LONRF1: variants seen among roughly 807,000 people sequenced by gnomAD.
LONRF1 encodes LON peptidase N-terminal domain and ring finger 1, also known as LON peptidase N-terminal domain and RING finger protein 1.
LONRF1 carries 37 observed loss-of-function variants against 85.8 expected under a neutral mutation model. The observed-to-expected ratio is 0.43, with a 90% CI of 0.33 to 0.57. LONRF1 has a LOEUF of 0.57. Among genes scored for constraint, LONRF1 ranks in the 20% least tolerant of loss-of-function variants. The pLI is 0.04. For synonymous variants in LONRF1, 517 were observed against 390.1 expected (o/e 1.33, Z -3.83); for missense variants, 1,036 against 978.0 (o/e 1.06, Z -0.79).
chr8:12,736,779 C>T lies in LONRF1; in HGVS notation c.1373G>A (p.Cys458Tyr), dbSNP rs758543808. Residue 458 changes from cysteine to tyrosine, a missense_variant, in exon 6 of 12, where the codon TGT becomes TAT. Around this residue, in one of 3 missense-constraint regions of LONRF1, gnomAD observed 742 missense variants for 614.4 expected, o/e 1.21. Coordinates refer to ENST00000398246, the MANE Select transcript of LONRF1 (RefSeq NM_152271.5). The part of the protein sequence containing the change: ...KKQGETPNEV[C>Y]MFSLAYGDIP... ...ATCACCATAAGCTAAGGAAAACATA[C>T]AGACTTCATTGGGAGTTTCTATTAA... The T allele has an allele frequency of 1.8e-5, 29 of 1,608,982 alleles. No individual in the cohort carries two copies. The Admixed American group carries it at 3.9e-4, about 22-fold the overall frequency.
intron 4 of LONRF1, 101 bp from the exon 5 acceptor site, chr8:12,737,241 C>A (rs750693504): frequency 1.5e-6 from 2 of 1,328,684 alleles, no homozygotes; most frequent in African/African-American, 1.4e-5. Flanking sequence ...CCTTATAATG[C>A]TCATTTTAAT....
rs1157577556 is a variant in LONRF1, at chr8:12,754,827, G to C, written c.594C>G (p.Asn198Lys). The stretch of plus-strand genomic sequence containing the variant: ...CCGGAAACCACTTCTCGGCCAGGTG[G>C]TTGAGGACGACGCTGGTTCTGAAGT... ...ASDFRTSVVL[N>K]HLAEKWFPGQ... Residue 198 changes from asparagine (N) to lysine (K), a missense_variant, in exon 1 of 12, where the codon AAC becomes AAG. Asn to Lys is a moderately conservative substitution (Grantham distance 94). Transcript: ENST00000398246. The C allele has an allele frequency of 1.3e-6, 2 of 1,494,558 alleles. No individual in the cohort carries two copies. Among genetic ancestry groups the C allele is most frequent in the Non-Finnish European group, 1.8e-6 (2 of 1,127,936 alleles). 92.6% of individuals were successfully genotyped at this position (1,494,558 alleles called of 1,614,324 possible).
chr8:12,728,222 C>G (rs1298939718), intron 10 of LONRF1, among the ~76,000 whole-genome samples: 2 of 152,156 alleles, frequency 1.3e-5, no homozygotes, highest in Non-Finnish European at 2.9e-5. Context: ...GGTTCCTAAA[C>G]TAACTGCAGT....
chr8:12,734,172 G>C (rs969943641), intron 7 of LONRF1, among the ~76,000 whole-genome samples: 1 of 152,262 alleles, frequency 6.6e-6, no homozygotes, highest in African/African-American at 2.4e-5. Context: ...GAGCATATTA[G>C]CTAAAAATGT....
At chr8:12,735,709 T>C (rs1798692255) in intron 6 of LONRF1, 1 of 220,244 alleles carries the variant, frequency 4.5e-6, no homozygotes, top group Non-Finnish European at 8.9e-6. Context: ...AGCTGATATG[T>C]GCACTGAATG....
rs1227364515 is a variant in LONRF1, at chr8:12,725,766, C to T, written c.2124G>A (p.Gln708=). ...CCCTCTCGGGCATTGATCCGAAATG[C>T]TGAAGAATTTGGCTTCGAAATCTGT... ...LRDRFRSQIL[Q]HFGSMPEREE... The change falls in exon 11 of 12, where the codon CAG becomes CAA. Residue 708 remains glutamine (Q), a synonymous_variant. Transcript: ENST00000398246. 1 of 1,613,608 alleles carries T rather than the reference C, an allele frequency of 6.2e-7. No individual in the cohort carries two copies. Among genetic ancestry groups the T allele is most frequent in the Non-Finnish European group, 8.5e-7 (1 of 1,179,586 alleles).
intron 8 of LONRF1, 78 bp from the exon 9 acceptor site, chr8:12,729,410 T>G: frequency 2.1e-6 from 3 of 1,413,720 alleles, no homozygotes; most frequent in Non-Finnish European, 2.9e-6. Flanking sequence ...TGAGTGAGGT[T>G]TATAACAGTA....
intron 3 of LONRF1, among the ~76,000 whole-genome samples, chr8:12,740,496 A>G (rs912237574): frequency 1.3e-5 from 2 of 152,198 alleles, no homozygotes; most frequent in Admixed American, 6.5e-5. Flanking sequence ...ACTGAGCAAT[A>G]CTATTGGCAA....
chr8:12,744,445 A>C (rs527337179), intron 1 of LONRF1, among the ~76,000 whole-genome samples: 24 of 152,324 alleles, frequency 1.6e-4, no homozygotes, highest in African/African-American at 5.5e-4. Flanking sequence ...TGCTTCTTAA[A>C]GCAATGAAAA....
Position 12,724,958 on chromosome 8 carries a change from C to A in LONRF1, c.2163+769G>T, listed in dbSNP as rs185633056. Among the ~76,000 whole-genome samples, 24 of 152,344 alleles carry A rather than the reference C, an allele frequency of 1.6e-4. No homozygotes were observed. In the East Asian group the frequency reaches 4.1e-3, roughly 26 times the overall value. On this transcript the variant is annotated intron_variant, in intron 11 of 11. Transcript: ENST00000398246. ...TGCATTACAATGAGATCTATTATCT[C>A]TCCATCTTCACATATTTACTGACAG...
At chr8:12,747,525 C>T (rs898903549) in intron 1 of LONRF1, among the ~76,000 whole-genome samples, 3 of 152,100 alleles carry the variant, frequency 2.0e-5, no homozygotes, top group Admixed American at 6.6e-5. Flanking sequence ...ATTTAAGGTT[C>T]GAATTGACTT....
chr8:12,741,842 G>A (rs1798944994), intron 2 of LONRF1, among the ~76,000 whole-genome samples: 1 of 152,074 alleles, frequency 6.6e-6, no homozygotes, highest in Admixed American at 6.5e-5. Flanking sequence ...CCTTCATAAT[G>A]TGAGTTCAGC....
At chr8:12,725,457 A>C (rs1053657864) in intron 11 of LONRF1, among the ~76,000 whole-genome samples, 3 of 152,112 alleles carry the variant, frequency 2.0e-5, no homozygotes, top group Non-Finnish European at 2.9e-5. Context: ...CCACTCCTAA[A>C]AATCCTCTTA....
intron 3 of LONRF1, among the ~76,000 whole-genome samples, chr8:12,739,496 A>C (rs1235185336): frequency 2.0e-5 from 3 of 152,166 alleles, no homozygotes; most frequent in Non-Finnish European, 2.9e-5. Context: ...TTTACTGGAA[A>C]GGAGATGAAG....
rs1488979111 is a variant in LONRF1 at position 12,746,328 on chromosome 8, CCACT to C, written c.722-3050_722-3047del. On this transcript the variant is annotated intron_variant, in intron 1 of 11. Coordinates refer to ENST00000398246, the MANE Select transcript of LONRF1 (RefSeq NM_152271.5). ...GCCTTAATTATCATTATGAACCTTC[CCACT>C]CACTCAAAGTCCCAACCATACCTAA... Among the ~76,000 whole-genome samples the C allele has an allele frequency of 3.7e-4, 56 of 152,276 alleles. 1 individual carries two copies. The highest frequency in any genetic ancestry group is 6.8e-3 in the Middle Eastern group (2 of 292).
chr8:12,746,757 C>T (rs1450660068), intron 1 of LONRF1, among the ~76,000 whole-genome samples: 7 of 152,106 alleles, frequency 4.6e-5, no homozygotes, highest in Non-Finnish European at 7.4e-5. Flanking sequence ...ATGCAGCTTG[C>T]CCATGATCAT....
In LONRF1 at chr8:12,729,039, T is replaced by C; in HGVS notation, c.1872A>G (p.Leu624=). 1 of 1,614,018 alleles carries C rather than the reference T, an allele frequency of 6.2e-7. No individual in the cohort carries two copies. The highest frequency in any genetic ancestry group is 1.7e-4 in the Middle Eastern group (1 of 6,060). The change falls in exon 10 of 12, where the codon TTA becomes TTG. Residue 624 remains leucine (L), a synonymous_variant. Coordinates refer to ENST00000398246, the MANE Select transcript of LONRF1 (RefSeq NM_152271.5). ...GTAAGAAATGCACGTTTCTAATTTG[T>C]AACATACAACCATAATCTGCAAAAC... ...QNSFADYGCM[L]QIRNVHFLPD...
At chr8:12,750,360 G>A (rs1166936984) in intron 1 of LONRF1, among the ~76,000 whole-genome samples, 1 of 152,146 alleles carries the variant, frequency 6.6e-6, no homozygotes, top group African/African-American at 2.4e-5. Context: ...AGACTCCCAC[G>A]GATGCCTGCA....
chr8:12,729,129 G>C (rs769182679), intron 9 of LONRF1, 45 bp downstream of exon 9: 9 of 1,612,006 alleles, frequency 5.6e-6, no homozygotes, highest in Admixed American at 3.3e-5. Context: ...TCCATATTGA[G>C]AGGTCTAACA....
Sources: allele counts gnomAD v4.1 joint callset (sites outside exome capture counted in the v4.1 genomes callset), GRCh38; gene constraint gnomAD v4.1.1; regional missense constraint gnomAD v4.1.1; transcripts MANE v1.5; gene names NCBI Gene and HGNC (gene_info 2026-07-23, HGNC 2026-07-21).